The following CDH13 variants were observed in gnomAD, a reference collection of about 807,000 sequenced individuals.
CDH13 encodes the protein cadherin 13, also known as cadherin-13.
CDH13 carries 24 observed loss-of-function variants against 63.8 expected under a neutral mutation model. That is an observed-to-expected ratio of 0.38 (90% CI 0.27 to 0.53). The LOEUF (loss-of-function observed/expected upper bound fraction) is 0.53, where lower values mean the gene tolerates loss of function less well. Among genes scored for constraint, CDH13 ranks in the 20% least tolerant of loss-of-function variants. CDH13 has a pLI of 0.85. For synonymous variants in CDH13, 503 were observed against 355.3 expected (o/e 1.42, Z -4.67); for missense variants, 1,049 against 903.1 (o/e 1.16, Z -2.07).
intron 1 of CDH13, chr16:82,719,397 C>A (rs2032611650): frequency 2.2e-6 from 1 of 455,966 alleles, no homozygotes; most frequent in Non-Finnish European, 4.4e-6. Context: ...AGTTCCAGGC[C>A]CTTCCACTGG....
At chr16:83,689,070 C>A (rs1049773065) in intron 10 of CDH13, among the ~76,000 whole-genome samples, 5 of 152,122 alleles carry the variant, frequency 3.3e-5, no homozygotes, top group African/African-American at 4.8e-5. Context: ...AATCGACCAC[C>A]TTTTTAACAT....
At chr16:83,375,440 C>T (rs780987561) in intron 6 of CDH13, among the ~76,000 whole-genome samples, 29 of 152,178 alleles carry the variant, frequency 1.9e-4, no homozygotes, top group Admixed American at 2.6e-4. Context: ...AAATTGTACT[C>T]ATTCTGCTGA....
At chr16:83,566,442 C>G (rs193261967) in intron 7 of CDH13, among the ~76,000 whole-genome samples, 2 of 152,076 alleles carry the variant, frequency 1.3e-5, no homozygotes, top group Non-Finnish European at 2.9e-5. Flanking sequence ...TGTGGGAAAC[C>G]GAAACACCCT....
At chr16:83,720,541 G>A (rs1039951330) in intron 10 of CDH13, among the ~76,000 whole-genome samples, 20 of 152,116 alleles carry the variant, frequency 1.3e-4, no homozygotes, top group Non-Finnish European at 2.6e-4. Flanking sequence ...GTAGGAGTTC[G>A]AGGACAGCCT....
intron 10 of CDH13, among the ~76,000 whole-genome samples, chr16:83,696,318 T>G (rs1905399041): frequency 6.6e-6 from 1 of 152,198 alleles, no homozygotes; most frequent in African/African-American, 2.4e-5. Context: ...TTTTTATAAT[T>G]CTGTGTAAGA....
chr16:83,210,401 A>C (rs1166608305), intron 4 of CDH13, among the ~76,000 whole-genome samples: 5 of 152,074 alleles, frequency 3.3e-5, no homozygotes, highest in Non-Finnish European at 7.4e-5. Flanking sequence ...CCCCAGTCAG[A>C]TGTGGGTTTG....
At chr16:82,946,905 G>A (rs780073034) in intron 2 of CDH13, among the ~76,000 whole-genome samples, 1 of 151,872 alleles carries the variant, frequency 6.6e-6, no homozygotes, top group Admixed American at 6.6e-5. Context: ...CATTTAAAAT[G>A]CATATATATT....
At chr16:83,273,988 C>T (rs1292980214) in intron 5 of CDH13, among the ~76,000 whole-genome samples, 1 of 152,156 alleles carries the variant, frequency 6.6e-6, no homozygotes, top group African/African-American at 2.4e-5. Context: ...CCTCTGACCA[C>T]ATTGCTTACA....
Position 83,344,891 on chromosome 16 carries a change from C to T in CDH13, c.666C>T (p.Gly222=). The T allele has an allele frequency of 6.2e-7, 1 of 1,613,920 alleles. No individual in the cohort carries two copies. Among genetic ancestry groups the T allele is most frequent in the Non-Finnish European group, 8.5e-7 (1 of 1,179,806 alleles). ...QLFVETTDVN[G]KTLEGPVPLE... ...TTGTGGAGACCACTGATGTCAATGGCAAAACTCTCGAGGGGCCGGTGCCTC... is the reference window on the plus strand; with the variant it reads ...TTGTGGAGACCACTGATGTCAATGGTAAAACTCTCGAGGGGCCGGTGCCTC... Residue 222 remains glycine, a synonymous_variant, in exon 6 of 14, where the codon GGC becomes GGT. Coordinates refer to ENST00000567109, the MANE Select transcript of CDH13 (RefSeq NM_001257.5).
Position 82,644,370 on chromosome 16 carries a change from C to G in CDH13, c.45+17233C>G, listed in dbSNP as rs937780971. 2.6e-4 allele frequency among the ~76,000 whole-genome samples: 40 copies of G among 152,284 alleles called. No individual in the cohort carries two copies. Among genetic ancestry groups the G allele is most frequent in the African/African-American group, 4.6e-4 (19 of 41,556 alleles). Reference sequence around the variant, plus strand: ...CTCCCTCTGTGCTCTCCATCACCCCCCTACGGAGTTCCTTTGATTCTCAGG... The same window carrying G: ...CTCCCTCTGTGCTCTCCATCACCCCGCTACGGAGTTCCTTTGATTCTCAGG... On this transcript the variant is annotated intron_variant, in intron 1 of 13. Transcript: ENST00000567109. The surrounding 1 kb of genome is among the most constrained non-coding windows in gnomAD (Gnocchi z 5.7).
chr16:83,161,628 C>G (rs1326504307), intron 4 of CDH13, among the ~76,000 whole-genome samples: 1 of 152,146 alleles, frequency 6.6e-6, no homozygotes, highest in Non-Finnish European at 1.5e-5. Flanking sequence ...AAACCACCAA[C>G]ATTTCCCTCC....
rs572470963 is a variant in CDH13, at chr16:83,171,552, C to T, written c.484-45793C>T. Reference sequence around the variant, plus strand: ...GATTTGGCAAGTTCTGTGCCTAGCACGATGGCTGACATGAGATAAGTGCAC... The same window carrying T: ...GATTTGGCAAGTTCTGTGCCTAGCATGATGGCTGACATGAGATAAGTGCAC... On this transcript the variant is annotated intron_variant, in intron 4 of 13. Coordinates refer to ENST00000567109, the MANE Select transcript of CDH13 (RefSeq NM_001257.5). 3.6e-4 allele frequency: 553 copies of T among 1,534,246 alleles called. 4 individuals carry two copies. The South Asian group carries it at 6.2e-3, about 17-fold the overall frequency.
chr16:83,320,718 A>G (rs1050969868), intron 5 of CDH13, among the ~76,000 whole-genome samples: 1 of 152,220 alleles, frequency 6.6e-6, no homozygotes, highest in African/African-American at 2.4e-5. Flanking sequence ...TTCTCTTGTC[A>G]TTAGTTCCGG....
chr16:83,162,659 G>T (rs1264930129), intron 4 of CDH13, among the ~76,000 whole-genome samples: 1 of 151,796 alleles, frequency 6.6e-6, no homozygotes, highest in Non-Finnish European at 1.5e-5. Context: ...GTTACTGAAT[G>T]AGCTTGTCAA....
intron 2 of CDH13, among the ~76,000 whole-genome samples, chr16:82,880,274 C>T (rs181514409): frequency 2.6e-5 from 4 of 152,196 alleles, no homozygotes; most frequent in East Asian, 1.9e-4. Flanking sequence ...CCCTGTAAAC[C>T]GGCTTTCAGC....
Position 83,071,599 on chromosome 16 carries a change from G to C in CDH13, c.366+39381G>C, listed in dbSNP as rs1021283469. Among the ~76,000 whole-genome samples the C allele has an allele frequency of 2.0e-5, 3 of 152,162 alleles. No homozygotes were observed. In the East Asian group the frequency reaches 5.8e-4, roughly 29 times the overall value. On this transcript the variant is annotated intron_variant, in intron 3 of 13. Coordinates refer to ENST00000567109, the MANE Select transcript of CDH13 (RefSeq NM_001257.5). ...TCAGGGAGCTGTGGTCGCTTCCCCT[G>C]TGCCACTGGAAAACTAATAATTCAT...
chr16:83,160,519 C>G (rs2037402781), intron 4 of CDH13, among the ~76,000 whole-genome samples: 1 of 152,030 alleles, frequency 6.6e-6, no homozygotes, highest in African/African-American at 2.4e-5. Flanking sequence ...TGAATTTGAC[C>G]CATGACGTAT....
intron 7 of CDH13, among the ~76,000 whole-genome samples, chr16:83,521,291 T>G (rs1461291472): frequency 6.6e-6 from 1 of 152,234 alleles, no homozygotes; most frequent in East Asian, 1.9e-4. Flanking sequence ...GGCCACCCTG[T>G]ATGACTGTGA....
chr16:83,035,721 T>C (rs576667916), intron 3 of CDH13, among the ~76,000 whole-genome samples: 48 of 152,244 alleles, frequency 3.2e-4, no homozygotes, highest in African/African-American at 9.4e-4. Context: ...GTCTTCATGG[T>C]GTTTCTCTTC....
Sources: allele counts gnomAD v4.1 joint callset (sites outside exome capture counted in the v4.1 genomes callset), GRCh38; gene constraint gnomAD v4.1.1; non-coding constraint Gnocchi (gnomAD v3.1); transcripts MANE v1.5; gene names NCBI Gene and HGNC (gene_info 2026-07-23, HGNC 2026-07-21).